Variants in HPCAL1 observed in about 807,000 individuals in gnomAD.
HPCAL1 encodes the protein hippocalcin-like protein 1.
HPCAL1 carries 8 observed loss-of-function variants against 17.1 expected under a neutral mutation model. That is an observed-to-expected ratio of 0.47 (90% CI 0.27 to 0.84). The LOEUF is 0.84. Among genes scored for constraint, HPCAL1 ranks in the 40% least tolerant of loss-of-function variants. The pLI is 0.13. For synonymous variants in HPCAL1, 112 were observed against 111.4 expected, an observed-to-expected ratio of 1.01 and a Z score of -0.03; for missense variants, 165 against 271.1, an observed-to-expected ratio of 0.61 and a Z score of 2.75.
At chr2:10,346,288 C>T (rs1431949873) in intron 1 of HPCAL1, among the ~76,000 whole-genome samples, 1 of 152,040 alleles carries the variant, frequency 6.6e-6, no homozygotes, top group Non-Finnish European at 1.5e-5. Flanking sequence ...TATTCTGTCT[C>T]GAGGCTCTGG....
intron 2 of HPCAL1, among the ~76,000 whole-genome samples, chr2:10,410,933 C>G (rs1050230085): frequency 6.6e-6 from 1 of 152,006 alleles, no homozygotes; most frequent in South Asian, 2.1e-4. Context: ...GCATTCCCCC[C>G]GCCCCCCGTT....
At chr2:10,360,289 G>A (rs1666439884) in intron 1 of HPCAL1, among the ~76,000 whole-genome samples, 1 of 152,252 alleles carries the variant, frequency 6.6e-6, no homozygotes, top group Non-Finnish European at 1.5e-5. Flanking sequence ...GGGCCTTGGA[G>A]AGTCCCTGAG....
rs267598821 is a variant in HPCAL1, at chr2:10,419,949, C to T, written c.192C>T (p.Phe64=). 3 of 1,613,886 alleles carry T rather than the reference C, an allele frequency of 1.9e-6. No homozygotes were observed. The highest frequency in any genetic ancestry group is 2.5e-6 in the Non-Finnish European group (3 of 1,180,036). The change falls in exon 3 of 5, where the codon TTC becomes TTT. Residue 64 remains phenylalanine (F), a synonymous_variant. Coordinates refer to ENST00000307845, the MANE Select transcript of HPCAL1 (RefSeq NM_002149.4). The surrounding 1 kb of genome is among the most constrained non-coding windows in gnomAD (Gnocchi z 5.0). ...TCCCCTACGGCGACGCTTCCAAGTT[C>T]GCCGAGCACGTCTTCCGCACCTTCG... ...NFFPYGDASK[F]AEHVFRTFDT...
At chr2:10,386,676 C>G (rs550647394) in intron 1 of HPCAL1, among the ~76,000 whole-genome samples, 2 of 152,152 alleles carry the variant, frequency 1.3e-5, no homozygotes, top group Non-Finnish European at 2.9e-5. Flanking sequence ...GGTCTGCAGG[C>G]TGGGGGAGCT....
chr2:10,401,134 C>T (rs1167658269), intron 2 of HPCAL1, among the ~76,000 whole-genome samples: 6 of 152,180 alleles, frequency 3.9e-5, no homozygotes, highest in Non-Finnish European at 8.8e-5. Context: ...CCTGCTGGCC[C>T]CGGGTCTCCA....
rs184598273 is a variant in HPCAL1 at position 10,354,741 on chromosome 2, A to G, written c.-110-42094A>G. Among the ~76,000 whole-genome samples the G allele has an allele frequency of 6.0e-4, 91 of 152,338 alleles. 2 individuals are homozygous for G. The highest frequency in any genetic ancestry group is 5.8e-3 in the Admixed American group (89 of 15,308). On this transcript the variant is annotated intron_variant, in intron 1 of 4. Coordinates refer to ENST00000307845, the MANE Select transcript of HPCAL1 (RefSeq NM_002149.4). The surrounding 1 kb of genome is among the most constrained non-coding windows in gnomAD (Gnocchi z 5.1). ...TTTCTGGGTTCTTGCATAGGCTTCA[A>G]GGAGGGAGGATATGGATGTGAGCTT...
chr2:10,356,212 T>A (rs1666142868), intron 1 of HPCAL1, among the ~76,000 whole-genome samples: 1 of 152,132 alleles, frequency 6.6e-6, no homozygotes, highest in South Asian at 2.1e-4. Context: ...GACACGCAGC[T>A]CCTAAGCTAC....
Position 10,330,847 on chromosome 2 carries a change from C to T in HPCAL1, c.-111+27670C>T, listed in dbSNP as rs949238838. 5.9e-5 allele frequency among the ~76,000 whole-genome samples: 9 copies of T among 152,338 alleles called. No individual in the cohort carries two copies. The highest frequency in any genetic ancestry group is 5.2e-4 in the Admixed American group (8 of 15,304). ...GTCAGTGTGTCTCCGACTGCGGACC[C>T]CGATCATCTTTGTGAGAATGCAGGT... On this transcript the variant is annotated intron_variant, in intron 1 of 4. Transcript: ENST00000307845. The surrounding 1 kb of genome is among the most constrained non-coding windows in gnomAD (Gnocchi z 4.2).
At chr2:10,414,318 T>TA (rs1670523337) in intron 2 of HPCAL1, among the ~76,000 whole-genome samples, 1 of 152,196 alleles carries the variant, frequency 6.6e-6, no homozygotes, top group African/African-American at 2.4e-5. Flanking sequence ...ACTGGGCACT[T>TA]AAACTACAGA....
At chr2:10,415,758 C>G (rs1670626134) in intron 2 of HPCAL1, among the ~76,000 whole-genome samples, 1 of 152,214 alleles carries the variant, frequency 6.6e-6, no homozygotes, top group South Asian at 2.1e-4. Context: ...TCCCCAAGGT[C>G]CCCCGAGCAG....
chr2:10,333,260 C>G (rs1299648976), intron 1 of HPCAL1, among the ~76,000 whole-genome samples: 2 of 152,224 alleles, frequency 1.3e-5, no homozygotes. Context: ...GAGCGTGAAT[C>G]AGGTGGTCAC....
chr2:10,353,729 C>G (rs916556623), intron 1 of HPCAL1, among the ~76,000 whole-genome samples: 2 of 152,124 alleles, frequency 1.3e-5, no homozygotes, highest in African/African-American at 4.8e-5. Context: ...CCGCTATGCC[C>G]GGCTAATTTT....
intron 1 of HPCAL1, among the ~76,000 whole-genome samples, chr2:10,361,065 G>T (rs1342096970): frequency 6.9e-6 from 1 of 145,774 alleles, no homozygotes. Context: ...TGTTGGCCTG[G>T]GGACTCCTTT....
intron 1 of HPCAL1, among the ~76,000 whole-genome samples, chr2:10,357,882 A>G (rs2125479682): frequency 6.6e-6 from 1 of 151,606 alleles, no homozygotes; most frequent in African/African-American, 2.4e-5. Context: ...GCAGCTGGGA[A>G]GGGAGAGGGA....
intron 1 of HPCAL1, among the ~76,000 whole-genome samples, chr2:10,321,044 GAA>G (rs1216060171): frequency 2.0e-5 from 3 of 152,124 alleles, no homozygotes; most frequent in South Asian, 4.1e-4. Flanking sequence ...CATTAATAAA[GAA>G]AAGAGATTTA....
In HPCAL1 at chr2:10,362,263, C is replaced by G. The variant is rs1232848578; in HGVS notation, c.-110-34572C>G. 6.6e-6 allele frequency among the ~76,000 whole-genome samples: 1 copy of G among 152,078 alleles called. No individual in the cohort carries two copies. The highest frequency in any genetic ancestry group is 2.4e-5 in the African/African-American group (1 of 41,396). On this transcript the variant is annotated intron_variant, in intron 1 of 4. Coordinates refer to ENST00000307845, the MANE Select transcript of HPCAL1 (RefSeq NM_002149.4). This position sits in a 1 kb window ranked among gnomAD's most constrained non-coding sequence, Gnocchi z 5.0. The stretch of plus-strand genomic sequence containing the variant: ...CATGGAGGCAAACGGAGCTTCGGAA[C>G]CCAGGTGTCGAGAATGAGCTGTTGG...
rs1247720667 is a variant in HPCAL1 at position 10,359,493 on chromosome 2, G to T, written c.-110-37342G>T. Among the ~76,000 whole-genome samples the T allele has an allele frequency of 6.6e-6, 1 of 152,264 alleles. No homozygotes were observed. The highest frequency in any genetic ancestry group is 1.5e-5 in the Non-Finnish European group (1 of 68,042). ...GGCCTCTGTGACAGCAGCAGGATTA[G>T]AGGCAGAGTTGGCCCAGAGGGAACA... On this transcript the variant is annotated intron_variant, in intron 1 of 4. Transcript: ENST00000307845. This position sits in a 1 kb window ranked among gnomAD's most constrained non-coding sequence, Gnocchi z 4.1.
intron 2 of HPCAL1, among the ~76,000 whole-genome samples, chr2:10,404,032 T>TGG (rs1403929526): frequency 6.6e-5 from 10 of 152,180 alleles, no homozygotes; most frequent in Non-Finnish European, 1.5e-4. Context: ...TTGTTCTTTA[T>TGG]TGCTCTATAC....
intron 1 of HPCAL1, among the ~76,000 whole-genome samples, chr2:10,322,048 G>GGA: frequency 6.6e-6 from 1 of 151,986 alleles, no homozygotes; most frequent in Non-Finnish European, 1.5e-5. Flanking sequence ...TTAGAGACAA[G>GGA]GTCTTGCTCT....
Sources: allele counts gnomAD v4.1 joint callset (sites outside exome capture counted in the v4.1 genomes callset), GRCh38; gene constraint gnomAD v4.1.1; non-coding constraint Gnocchi (gnomAD v3.1); transcripts MANE v1.5; gene names NCBI Gene and HGNC (gene_info 2026-07-23, HGNC 2026-07-21).